The following RAD51B variants were observed in gnomAD, a reference collection of about 807,000 sequenced individuals.
RAD51B encodes the protein RAD51 paralog B.
In RAD51B, 38 loss-of-function variants were observed where a neutral mutation model predicts 42.2. The ratio of observed to expected loss-of-function variants is 0.90; its 90% CI spans 0.70 to 1.18. The LOEUF (loss-of-function observed/expected upper bound fraction) is 1.18. Among genes scored for constraint, RAD51B ranks in the 50% most tolerant of loss-of-function variants. The probability of loss-of-function intolerance (pLI) is 0.00; values close to 1 mark genes in which losing one functional copy is unlikely to be tolerated. For missense variants in RAD51B, 373 were observed against 400.7 expected (o/e 0.93, Z 0.59); for synonymous variants, 154 against 145.2 (o/e 1.06, Z -0.43).
intron 10 of RAD51B, among the ~76,000 whole-genome samples, chr14:68,605,196 C>T (rs1467787938): frequency 1.2e-4 from 19 of 152,194 alleles, no homozygotes; most frequent in Admixed American, 1.2e-3. Context: ...GGTGTCACAG[C>T]AGGGCGGGTT....
In RAD51B at chr14:68,399,620, T is replaced by A. The variant is rs116135201; in HGVS notation, c.854-11804T>A. Among the ~76,000 whole-genome samples, 1,385 of 152,340 alleles carry A rather than the reference T, an allele frequency of 9.1e-3. 30 individuals carry two copies. The highest frequency in any genetic ancestry group is 0.032 in the African/African-American group (1,338 of 41,574). ...ATCTCTTGTATATTAGTTACCAATT[T>A]ATTTTATAATATTGTTAACTTATTA... On this transcript the variant is annotated intron_variant, in intron 8 of 10. Coordinates refer to ENST00000471583, the MANE Select transcript of RAD51B (RefSeq NM_133510.4).
At chr14:68,174,029 C>G (rs1012189720) in intron 7 of RAD51B, among the ~76,000 whole-genome samples, 1 of 152,182 alleles carries the variant, frequency 6.6e-6, no homozygotes, top group African/African-American at 2.4e-5. Flanking sequence ...AGTGTACCAT[C>G]AACTGTATAG....
At chr14:68,218,115 T>G (rs1036424222) in intron 7 of RAD51B, among the ~76,000 whole-genome samples, 2 of 152,250 alleles carry the variant, frequency 1.3e-5, no homozygotes, top group Middle Eastern at 3.2e-3. Context: ...GTGGAAACTA[T>G]GCTACTAAAA....
chr14:68,135,374 G>A (rs983643512), intron 7 of RAD51B, among the ~76,000 whole-genome samples: 1 of 152,124 alleles, frequency 6.6e-6, no homozygotes, highest in Non-Finnish European at 1.5e-5. Context: ...GTGCAGCAAC[G>A]TCCCATGTTG....
chr14:68,530,713 G>A (rs1362067932), intron 10 of RAD51B, among the ~76,000 whole-genome samples: 1 of 151,966 alleles, frequency 6.6e-6, no homozygotes, highest in African/African-American at 2.4e-5. Flanking sequence ...TTAAAATGAA[G>A]TTTATATCAG....
chr14:67,942,463 A>G (rs1210390544), intron 7 of RAD51B, among the ~76,000 whole-genome samples: 2 of 152,206 alleles, frequency 1.3e-5, no homozygotes, highest in Non-Finnish European at 2.9e-5. Flanking sequence ...GATTGATACC[A>G]AGATCATGCT....
chr14:68,679,893 G>C (rs952932014), intron 11 of RAD51B, among the ~76,000 whole-genome samples: 4 of 152,178 alleles, frequency 2.6e-5, no homozygotes, highest in Non-Finnish European at 4.4e-5. Flanking sequence ...TTCCAGTAGT[G>C]TGCTGGTAAA....
intron 8 of RAD51B, among the ~76,000 whole-genome samples, chr14:68,360,822 T>G (rs757601088): frequency 1.3e-5 from 2 of 152,214 alleles, no homozygotes; most frequent in Non-Finnish European, 2.9e-5. Context: ...TGCTTTGGTC[T>G]GAGGAAGAAT....
chr14:68,657,743 C>T (rs1314727834), intron 11 of RAD51B, among the ~76,000 whole-genome samples: 1 of 152,258 alleles, frequency 6.6e-6, no homozygotes, highest in Non-Finnish European at 1.5e-5. Context: ...TTTGACAGAG[C>T]AGGTCCAGAA....
chr14:67,979,017 T>C (rs1389878447), intron 7 of RAD51B, among the ~76,000 whole-genome samples: 1 of 152,190 alleles, frequency 6.6e-6, no homozygotes, highest in Admixed American at 6.5e-5. Flanking sequence ...AATGCTTCCA[T>C]ATGCTAAAAG....
intron 7 of RAD51B, among the ~76,000 whole-genome samples, chr14:68,021,692 T>C (rs1453616765): frequency 6.6e-6 from 1 of 152,214 alleles, no homozygotes; most frequent in East Asian, 1.9e-4. Flanking sequence ...ACTGCTGCAA[T>C]AAAGCAGTTA....
At chr14:67,864,356 A>G (rs371834009) in intron 4 of RAD51B, among the ~76,000 whole-genome samples, 60 of 152,352 alleles carry the variant, frequency 3.9e-4, no homozygotes, top group African/African-American at 1.1e-3. Flanking sequence ...CAAAACAGAC[A>G]TTTCAAAGTA....
chr14:67,968,092 T>C (rs10135316), intron 7 of RAD51B, among the ~76,000 whole-genome samples: 10,805 of 152,300 alleles, frequency 0.071, 947 homozygotes, highest in African/African-American at 0.21. Flanking sequence ...GAGCTTGTAC[T>C]CTCTGAAACT....
chr14:68,397,918 A>T (rs2083972574), intron 8 of RAD51B, among the ~76,000 whole-genome samples: 1 of 152,182 alleles, frequency 6.6e-6, no homozygotes, highest in Non-Finnish European at 1.5e-5. Context: ...CCCTTCTCAG[A>T]GCCTCGAGGG....
At chr14:68,143,067 C>T (rs1879783335) in intron 7 of RAD51B, among the ~76,000 whole-genome samples, 1 of 151,940 alleles carries the variant, frequency 6.6e-6, no homozygotes, top group South Asian at 2.1e-4. Flanking sequence ...TAAAGGAACA[C>T]TGTGATTTCT....
At chr14:68,491,678 A>C (rs1884084984) in intron 10 of RAD51B, among the ~76,000 whole-genome samples, 1 of 152,188 alleles carries the variant, frequency 6.6e-6, no homozygotes, top group Admixed American at 6.5e-5. Context: ...CCCTCAGAGA[A>C]TGCCCATAGC....
chr14:68,108,913 A>G (rs2077418379), intron 7 of RAD51B, among the ~76,000 whole-genome samples: 1 of 151,744 alleles, frequency 6.6e-6, no homozygotes, highest in Non-Finnish European at 1.5e-5. Flanking sequence ...CTCAACCTTT[A>G]TTGTCTATGA....
At chr14:68,402,421 G>C (rs781219775) in intron 8 of RAD51B, among the ~76,000 whole-genome samples, 72 of 152,182 alleles carry the variant, frequency 4.7e-4, no homozygotes, top group Non-Finnish European at 1.3e-4. Flanking sequence ...TTTTAAACAG[G>C]AGAAGCTGAA....
At chr14:68,541,846 T>G in intron 10 of RAD51B, 6 of 980,562 alleles carry the variant, frequency 6.1e-6, no homozygotes, top group Non-Finnish European at 7.3e-6. Flanking sequence ...TGTGAGATCT[T>G]TCTCAAAACA....
Sources: gnomAD v4.1 joint callset for allele counts (sites outside exome capture counted in the v4.1 genomes callset) on GRCh38, gnomAD v4.1.1 for gene constraint, MANE v1.5 for transcripts, NCBI Gene and HGNC (gene_info 2026-07-23, HGNC 2026-07-21) for gene names.